The following ACSM5 variants were observed in gnomAD, a reference collection of about 807,000 sequenced individuals.
ACSM5 encodes the protein acyl-CoA synthetase medium chain family member 5.
In ACSM5, 56 loss-of-function variants were observed where a neutral mutation model predicts 71.6. The ratio of observed to expected loss-of-function variants is 0.78; its 90% CI spans 0.63 to 0.98. ACSM5 has a LOEUF of 0.98. ACSM5 is among the 50% of genes least tolerant of loss of function. ACSM5 has a pLI of 0.00. For synonymous variants in ACSM5, 285 were observed against 281.5 expected (o/e 1.01, Z -0.12); for missense variants, 723 against 726.0 (o/e 1.00, Z 0.05).
chr16:20,419,142 C>T lies in ACSM5; in HGVS notation c.416-86C>T, dbSNP rs1470721602. 3 of 1,257,750 alleles carry T rather than the reference C, an allele frequency of 2.4e-6. No individual in the cohort carries two copies. The African/African-American group carries it at 4.4e-5, about 19-fold the overall frequency. 77.9% of individuals were successfully genotyped at this position (1,257,750 alleles called of 1,614,324 possible). A position where few individuals can be genotyped will look rare whatever the true frequency, so the allele number is the denominator to read the frequency against. The stretch of plus-strand genomic sequence containing the variant: ...TCCAGCTCATGCATTCCAACCCTCC[C>T]CAGCCCCTTCCTGCCTTCATCTCTT... On this transcript the variant is annotated intron_variant, in intron 3 of 13. Coordinates refer to ENST00000331849, the MANE Select transcript of ACSM5 (RefSeq NM_017888.3).
chr16:20,416,599 A>T (rs1219653486), intron 2 of ACSM5, among the ~76,000 whole-genome samples: 1 of 152,204 alleles, frequency 6.6e-6, no homozygotes, highest in Non-Finnish European at 1.5e-5. Context: ...AAAGACCTAA[A>T]TGAAGAAACA....
In ACSM5 at chr16:20,435,656, C is replaced by T. The variant is rs117994583; in HGVS notation, c.1309-1396C>T. Among the ~76,000 whole-genome samples the T allele has an allele frequency of 3.0e-3, 453 of 152,170 alleles. 4 individuals carry two copies. The highest frequency in any genetic ancestry group is 0.014 in the Middle Eastern group (4 of 294). ...ACCCAGCGATTGATACATTGTTTGT[C>T]GTCAGTATATAATAATTTTGCATTT... On this transcript the variant is annotated intron_variant, in intron 10 of 13. Coordinates refer to ENST00000331849, the MANE Select transcript of ACSM5 (RefSeq NM_017888.3).
chr16:20,424,918 A>C (rs565808039), intron 6 of ACSM5, among the ~76,000 whole-genome samples: 40 of 152,368 alleles, frequency 2.6e-4, no homozygotes, highest in Admixed American at 2.5e-3. Context: ...GTTTTGATGT[A>C]GGCATGCAAT....
intron 10 of ACSM5, among the ~76,000 whole-genome samples, chr16:20,432,607 G>A (rs1434970175): frequency 6.6e-6 from 1 of 152,080 alleles, no homozygotes; most frequent in Non-Finnish European, 1.5e-5. Flanking sequence ...CTGAAAAAAT[G>A]CATTCATTCA....
intron 5 of ACSM5, among the ~76,000 whole-genome samples, chr16:20,421,633 AT>A (rs1966883424): frequency 7.6e-6 from 1 of 131,106 alleles, no homozygotes; most frequent in Non-Finnish European, 1.6e-5. Flanking sequence ...ATATATATAT[AT>A]ATATATATAT....
At chr16:20,424,696 C>T (rs148539803) in intron 6 of ACSM5, among the ~76,000 whole-genome samples, 1,592 of 152,316 alleles carry the variant, frequency 0.01, 13 homozygotes, top group Non-Finnish European at 0.017. Flanking sequence ...ACCTTTGATT[C>T]GCTAGCTGTG....
intron 4 of ACSM5, among the ~76,000 whole-genome samples, chr16:20,420,584 A>C (rs368222070): frequency 6.6e-6 from 1 of 152,174 alleles, no homozygotes; most frequent in Non-Finnish European, 1.5e-5. Flanking sequence ...TGGGCAACAA[A>C]AGCGAAACAC....
At chr16:20,440,038 C>T in intron 13 of ACSM5, 119 bp downstream of exon 13, 2 of 1,303,042 alleles carry the variant, frequency 1.5e-6, no homozygotes, top group African/African-American at 1.5e-5. Context: ...AAACTTGTAA[C>T]CCTGGCTGCT....
At chr16:20,440,196 A>T (rs1293888603) in intron 13 of ACSM5, 148 bp from the exon 14 acceptor site, 1 of 678,484 alleles carries the variant, frequency 1.5e-6, no homozygotes, top group Non-Finnish European at 2.6e-6. Context: ...TCCAGGCTCC[A>T]GCTGTTTTGC....
chr16:20,418,333 T>C (rs1355956576), intron 3 of ACSM5, 64 bp downstream of exon 3: 9 of 1,481,290 alleles, frequency 6.1e-6, no homozygotes, highest in South Asian at 2.6e-5. Context: ...CTTTGCAGTG[T>C]CCACAGGGTC....
chr16:20,427,819 G>T lies in ACSM5; in HGVS notation c.953G>T (p.Cys318Phe). The change falls in exon 7 of 14, where the codon TGC becomes TTC. Residue 318 changes from cysteine to phenylalanine, a missense_variant. Cys to Phe is a radical substitution (Grantham distance 205, BLOSUM62 -2). Transcript: ENST00000331849. ...TCCAAATTCCCGATAACCACCCTCTGCTGTGTCCCAACCATCTTTCGGCTG... is the reference window on the plus strand; with the variant it reads ...TCCAAATTCCCGATAACCACCCTCTTCTGTGTCCCAACCATCTTTCGGCTG... Reference protein sequence around the residue: ...TLSKFPITTLCCVPTIFRLLV... With the variant: ...TLSKFPITTLFCVPTIFRLLV... 6.8e-6 allele frequency: 11 copies of T among 1,613,916 alleles called. No individual in the cohort carries two copies. The highest frequency in any genetic ancestry group is 9.3e-6 in the Non-Finnish European group (11 of 1,179,888).
chr16:20,420,385 G>A (rs773945508), intron 4 of ACSM5, among the ~76,000 whole-genome samples: 3 of 152,206 alleles, frequency 2.0e-5, no homozygotes, highest in African/African-American at 7.2e-5. Context: ...CAGATCACCC[G>A]AGGTCGGGAG....
chr16:20,428,113 T>C (rs1419816826), intron 7 of ACSM5, among the ~76,000 whole-genome samples: 1 of 152,112 alleles, frequency 6.6e-6, no homozygotes, highest in Non-Finnish European at 1.5e-5. Flanking sequence ...CCCCCAAAAT[T>C]TGCATCCAGA....
At chr16:20,427,128 C>T (rs1465281047) in intron 6 of ACSM5, among the ~76,000 whole-genome samples, 2 of 151,834 alleles carry the variant, frequency 1.3e-5, no homozygotes, top group Non-Finnish European at 2.9e-5. Flanking sequence ...TGGTGAAACC[C>T]CGTTTCTACT....
intron 7 of ACSM5, 66 bp from the exon 8 acceptor site, chr16:20,429,612 G>A: frequency 6.2e-7 from 1 of 1,604,814 alleles, no homozygotes; most frequent in African/African-American, 1.3e-5. Flanking sequence ...TCTGGGCAGT[G>A]GCACCAGAGG....
chr16:20,418,401 A>G (rs2141644110), intron 3 of ACSM5, 132 bp downstream of exon 3: 3 of 936,088 alleles, frequency 3.2e-6, no homozygotes, highest in Admixed American at 2.9e-5. Context: ...CTATTTGCCT[A>G]ACAATCACAG....
At chr16:20,416,332 T>C (rs1019297557) in intron 2 of ACSM5, among the ~76,000 whole-genome samples, 3 of 149,960 alleles carry the variant, frequency 2.0e-5, no homozygotes, top group Non-Finnish European at 4.4e-5. Flanking sequence ...TCAAGTCTAC[T>C]GCAAAGTTAC....
chr16:20,427,831 C>T lies in ACSM5; in HGVS notation c.965C>T (p.Thr322Ile). ...ATAACCACCCTCTGCTGTGTCCCAACCATCTTTCGGCTGCTTGTGCAGGAG... is the reference window on the plus strand; with the variant it reads ...ATAACCACCCTCTGCTGTGTCCCAATCATCTTTCGGCTGCTTGTGCAGGAG... ...FPITTLCCVP[T>I]IFRLLVQEDL... Residue 322 changes from threonine to isoleucine, a missense_variant, in exon 7 of 14, where the codon ACC becomes ATC. Coordinates refer to ENST00000331849, the MANE Select transcript of ACSM5 (RefSeq NM_017888.3). The T allele has an allele frequency of 6.2e-7, 1 of 1,614,090 alleles. No individual in the cohort carries two copies. Among genetic ancestry groups the T allele is most frequent in the Non-Finnish European group, 8.5e-7 (1 of 1,179,962 alleles).
intron 6 of ACSM5, among the ~76,000 whole-genome samples, chr16:20,427,489 A>G (rs1293733843): frequency 6.6e-6 from 1 of 152,268 alleles, no homozygotes; most frequent in Non-Finnish European, 1.5e-5. Context: ...AGAGAGAAAG[A>G]ATATCCAAGA....
Sources: gnomAD v4.1 joint callset for allele counts (sites outside exome capture counted in the v4.1 genomes callset) on GRCh38, gnomAD v4.1.1 for gene constraint, MANE v1.5 for transcripts, NCBI Gene and HGNC (gene_info 2026-07-23, HGNC 2026-07-21) for gene names.